CACNA1C: variants seen among roughly 807,000 people sequenced by gnomAD.
The protein encoded by CACNA1C is calcium voltage-gated channel subunit alpha1 C, also known as voltage-dependent L-type calcium channel subunit alpha-1C.
A neutral mutation model predicts 229.0 loss-of-function variants in CACNA1C; 30 were observed. That is an observed-to-expected ratio of 0.13 (90% CI 0.10 to 0.18). CACNA1C has a LOEUF of 0.18. Among genes scored for constraint, CACNA1C ranks in the 10% least tolerant of loss-of-function variants. The pLI, the probability that CACNA1C is intolerant of heterozygous loss-of-function variation, is 1.00. For synonymous variants in CACNA1C, 1,114 were observed against 1,132.5 expected, an observed-to-expected ratio of 0.98 and a Z score of 0.33; for missense variants, 1,658 against 2,845.0, an observed-to-expected ratio of 0.58 and a Z score of 9.49.
chr12:2,208,605 G>A (rs1388116994), intron 3 of CACNA1C, among the ~76,000 whole-genome samples: 1 of 152,178 alleles, frequency 6.6e-6, no homozygotes, highest in Non-Finnish European at 1.5e-5. Flanking sequence ...TGGGTGGTGG[G>A]TGGCATTTGA....
Position 2,115,993 on chromosome 12 carries a change from T to C in CACNA1C, c.371+448T>C, listed in dbSNP as rs530177706. On this transcript the variant is annotated intron_variant, in intron 2 of 46. Transcript: ENST00000399655. ...CTGGATGCTTTCACGGCCTTCCCTC[T>C]CTCTAGGGTGAAGGGGCTCAGGAGA... Among the ~76,000 whole-genome samples, 8 of 152,210 alleles carry C rather than the reference T, an allele frequency of 5.3e-5. No individual in the cohort carries two copies. In the East Asian group the frequency reaches 1.4e-3, roughly 26 times the overall value.
At chr12:2,284,464 G>A (rs1272195515) in intron 3 of CACNA1C, among the ~76,000 whole-genome samples, 2 of 152,158 alleles carry the variant, frequency 1.3e-5, no homozygotes, top group African/African-American at 2.4e-5. Context: ...GGAGGAGGGT[G>A]CAGAACAGGA....
intron 6 of CACNA1C, among the ~76,000 whole-genome samples, chr12:2,492,790 A>G (rs2154571764): frequency 6.6e-6 from 1 of 152,348 alleles, no homozygotes; most frequent in Non-Finnish European, 1.5e-5. Context: ...ACCACCAGAA[A>G]AAGAAAATAT....
At chr12:2,549,538 T>A (rs1292294471) in intron 9 of CACNA1C, among the ~76,000 whole-genome samples, 3 of 152,176 alleles carry the variant, frequency 2.0e-5, no homozygotes, top group East Asian at 3.8e-4. Context: ...GTGGGTGGGA[T>A]GAAGTAAGGA....
Position 2,584,605 on chromosome 12 carries a change from A to G in CACNA1C, c.2327A>G (p.Lys776Arg), listed in dbSNP as rs786205751. 21 of 1,612,026 alleles carry G rather than the reference A, an allele frequency of 1.3e-5. No individual in the cohort carries two copies. The highest frequency in any genetic ancestry group is 1.7e-5 in the Non-Finnish European group (20 of 1,178,550). ...GAGGAGGAAGAGGAGAAGGAGAGAAAGAAGCTGGCCAGGTAACCCTCTAAG... is the reference window on the plus strand; with the variant it reads ...GAGGAGGAAGAGGAGAAGGAGAGAAGGAAGCTGGCCAGGTAACCCTCTAAG... The part of the protein sequence containing the change: ...QKEEEEEKER[K>R]KLARTASPEK... The change falls in exon 16 of 47, where the codon AAG becomes AGG. Residue 776 changes from lysine to arginine, a missense_variant. By Grantham distance (26) the Lys-to-Arg change is conservative. Coordinates refer to ENST00000399655, the MANE Select transcript of CACNA1C (RefSeq NM_000719.7).
At position 2,319,343 on chromosome 12, in the gene CACNA1C, C is replaced by T. The variant is rs987054807; in HGVS notation, c.478-129633C>T. Among the ~76,000 whole-genome samples the T allele has an allele frequency of 1.3e-5, 2 of 152,028 alleles. No homozygotes were observed. The highest frequency in any genetic ancestry group is 1.3e-4 in the Admixed American group (2 of 15,264). ...GGTGCCGTGCATGGTGGGCAACATA[C>T]ATGGGGGCAGTGTGCTTGGTAGGCA... On this transcript the variant is annotated intron_variant, in intron 3 of 46. Coordinates refer to ENST00000399655, the MANE Select transcript of CACNA1C (RefSeq NM_000719.7). The surrounding 1 kb of genome is among the most constrained non-coding windows in gnomAD (Gnocchi z 4.0).
chr12:2,335,213 C>T (rs11062194), intron 3 of CACNA1C, among the ~76,000 whole-genome samples: 3 of 152,042 alleles, frequency 2.0e-5, no homozygotes, highest in African/African-American at 4.8e-5. Flanking sequence ...TGGCTGCTGG[C>T]GATTTTAGGC....
intron 30 of CACNA1C, among the ~76,000 whole-genome samples, chr12:2,634,989 T>C (rs1045174539): frequency 6.6e-6 from 1 of 152,206 alleles, no homozygotes; most frequent in Non-Finnish European, 1.5e-5. Flanking sequence ...TCCAGGTCCC[T>C]GCAGGCTCAT....
chr12:2,421,234 A>C (rs1020576520), intron 3 of CACNA1C, among the ~76,000 whole-genome samples: 1 of 152,214 alleles, frequency 6.6e-6, no homozygotes, highest in African/African-American at 2.4e-5. Flanking sequence ...GTTTGCAACT[A>C]TTTTGCTAGG....
chr12:2,327,718 C>T (rs3819535), intron 3 of CACNA1C, among the ~76,000 whole-genome samples: 90,085 of 151,732 alleles, frequency 0.59, 27,007 homozygotes, highest in Admixed American at 0.65. Flanking sequence ...GATGCAACAG[C>T]GTAATTACAA....
intron 1 of CACNA1C, among the ~76,000 whole-genome samples, chr12:1,987,756 C>T (rs2038217349): frequency 6.6e-6 from 1 of 152,168 alleles, no homozygotes; most frequent in African/African-American, 2.4e-5. Context: ...CAATATAATG[C>T]TTTCATATTC....
rs2072488327 is a variant in CACNA1C at position 2,601,796 on chromosome 12, G to A, written c.2854-58G>A. 1 of 1,067,512 alleles carries A rather than the reference G, an allele frequency of 9.4e-7. No individual in the cohort carries two copies. Among genetic ancestry groups the A allele is most frequent in the Non-Finnish European group, 1.5e-6 (1 of 681,332 alleles). The allele number at this position is 1,067,512 out of a possible 1,614,324, so 66.1% of individuals were successfully genotyped here. On this transcript the variant is annotated intron_variant, in intron 21 of 46. Transcript: ENST00000399655. This position sits in a 1 kb window ranked among gnomAD's most constrained non-coding sequence, Gnocchi z 5.9. ...TGTGGGAGGAAGGGGTGGTGTGAGG[G>A]GTCTCTGGGCTAGGGCTAGGGCCAC... is the stretch of plus-strand genomic sequence containing the variant.
At chr12:2,546,007 C>G (rs918869076) in intron 9 of CACNA1C, among the ~76,000 whole-genome samples, 1 of 152,274 alleles carries the variant, frequency 6.6e-6, no homozygotes, top group Non-Finnish European at 1.5e-5. Context: ...TAGCTGGAAT[C>G]TTCACATTCT....
At chr12:2,451,711 G>A (rs1389794381) in intron 4 of CACNA1C, among the ~76,000 whole-genome samples, 2 of 152,198 alleles carry the variant, frequency 1.3e-5, no homozygotes, top group East Asian at 3.9e-4. Flanking sequence ...ACAACCACAA[G>A]GGGCCAGGCT....
rs75609613 is a variant in CACNA1C, at chr12:2,443,217, A to G, written c.478-5759A>G. ...TAGTTACTTACAAGATACAATGGGA[A>G]TATAGGCATTGGGTAAACTTTCCTG... is the stretch of plus-strand genomic sequence containing the variant. On this transcript the variant is annotated intron_variant, in intron 3 of 46. Coordinates refer to ENST00000399655, the MANE Select transcript of CACNA1C (RefSeq NM_000719.7). 6.5e-3 allele frequency among the ~76,000 whole-genome samples: 990 copies of G among 152,334 alleles called. 9 individuals carry two copies. The highest frequency in any genetic ancestry group is 0.022 in the African/African-American group (920 of 41,586).
In CACNA1C at chr12:2,647,313, A is replaced by G. The variant is rs1315515599; in HGVS notation, c.3913-1162A>G. On this transcript the variant is annotated intron_variant, in intron 30 of 46. Coordinates refer to ENST00000399655, the MANE Select transcript of CACNA1C (RefSeq NM_000719.7). The surrounding 1 kb of genome is among the most constrained non-coding windows in gnomAD (Gnocchi z 4.2). ...CCCTCTGTGCTGGAGCCCAAAACGT[A>G]AGGGCACCTTCCCAGATCCAGGCTC... Among the ~76,000 whole-genome samples, 2 of 152,154 alleles carry G rather than the reference A, an allele frequency of 1.3e-5. No individual in the cohort carries two copies. Among genetic ancestry groups the G allele is most frequent in the Non-Finnish European group, 2.9e-5 (2 of 68,026 alleles).
chr12:2,599,225 A>G (rs767059965), intron 21 of CACNA1C, among the ~76,000 whole-genome samples: 2 of 152,028 alleles, frequency 1.3e-5, no homozygotes, highest in African/African-American at 2.4e-5. Flanking sequence ...ACTTTCTTCT[A>G]TGCTCAGCAT....
At chr12:2,159,663 G>A (rs1262830255) in intron 3 of CACNA1C, among the ~76,000 whole-genome samples, 5 of 148,432 alleles carry the variant, frequency 3.4e-5, no homozygotes, top group Non-Finnish European at 5.9e-5. Flanking sequence ...GGAGTGCAAC[G>A]GCATAATCTC....
At chr12:2,530,213 TTGA>T (rs25565) in intron 9 of CACNA1C, among the ~76,000 whole-genome samples, 42,017 of 152,056 alleles carry the variant, frequency 0.28, 6,266 homozygotes, top group African/African-American at 0.39. Flanking sequence ...AAGGGAATTG[TTGA>T]TGACCAAAAA....
Sources: gnomAD v4.1 joint callset for allele counts (sites outside exome capture counted in the v4.1 genomes callset) on GRCh38, gnomAD v4.1.1 for gene constraint, Gnocchi (gnomAD v3.1) non-coding constraint, MANE v1.5 for transcripts, NCBI Gene and HGNC (gene_info 2026-07-23, HGNC 2026-07-21) for gene names.